TTC28: variants seen among roughly 807,000 people sequenced by gnomAD.
The protein encoded by TTC28 is tetratricopeptide repeat protein 28.
TTC28 carries 61 observed loss-of-function variants against 198.0 expected under a neutral mutation model. That is an observed-to-expected ratio of 0.31 (90% CI 0.25 to 0.38). The LOEUF (loss-of-function observed/expected upper bound fraction) is 0.38, where lower values mean the gene tolerates loss of function less well. Among genes scored for constraint, TTC28 ranks in the 10% least tolerant of loss-of-function variants. The pLI, the probability that TTC28 is intolerant of heterozygous loss-of-function variation, is 1.00. For synonymous variants in TTC28, 1,171 were observed against 1,297.8 expected (o/e 0.90, Z 2.10); for missense variants, 2,678 against 3,164.0 (o/e 0.85, Z 3.69).
intron 2 of TTC28, among the ~76,000 whole-genome samples, chr22:28,360,679 C>T (rs998116850): frequency 4.6e-5 from 7 of 152,102 alleles, no homozygotes; most frequent in Admixed American, 3.9e-4. Flanking sequence ...AATTGGAAAA[C>T]AAGGCCATGA....
chr22:28,208,148 T>C (rs959901052), intron 5 of TTC28, among the ~76,000 whole-genome samples: 2 of 152,154 alleles, frequency 1.3e-5, no homozygotes, highest in Admixed American at 6.5e-5. Flanking sequence ...GCTTGAATAC[T>C]TGCTGAATGA....
intron 2 of TTC28, among the ~76,000 whole-genome samples, chr22:28,526,072 G>GT (rs2048998541): frequency 6.6e-6 from 1 of 152,164 alleles, no homozygotes; most frequent in Admixed American, 6.5e-5. Context: ...TACCATGTCT[G>GT]TAAGTACGGG....
At chr22:28,063,745 G>A (rs1280264619) in intron 12 of TTC28, among the ~76,000 whole-genome samples, 1 of 152,104 alleles carries the variant, frequency 6.6e-6, no homozygotes, top group Non-Finnish European at 1.5e-5. Flanking sequence ...GCATAACACA[G>A]TCCAGGGCCT....
intron 2 of TTC28, among the ~76,000 whole-genome samples, chr22:28,330,205 C>G (rs936716508): frequency 2.6e-5 from 4 of 152,108 alleles, no homozygotes; most frequent in South Asian, 2.1e-4. Context: ...AAATTTTATT[C>G]AGGTATAATA....
intron 2 of TTC28, among the ~76,000 whole-genome samples, chr22:28,334,788 T>C (rs1002813166): frequency 6.6e-6 from 1 of 152,206 alleles, no homozygotes; most frequent in African/African-American, 2.4e-5. Context: ...TTTTCTCCCA[T>C]TCTGTAGGTT....
rs184092228 is a variant in TTC28 at position 28,612,966 on chromosome 22, A to G, written c.381+16586T>C. 5.9e-3 allele frequency among the ~76,000 whole-genome samples: 898 copies of G among 152,286 alleles called. 6 individuals carry two copies. The highest frequency in any genetic ancestry group is 9.8e-3 in the Non-Finnish European group (665 of 68,018). ...ACAAATTCAAAAACTAGCAGAAGAC[A>G]AGAAATAACTAAGATCAGAGCAGAA... On this transcript the variant is annotated intron_variant, in intron 2 of 22. Transcript: ENST00000397906.
chr22:28,176,200 G>C (rs550884298), intron 5 of TTC28, among the ~76,000 whole-genome samples: 1 of 152,130 alleles, frequency 6.6e-6, no homozygotes, highest in African/African-American at 2.4e-5. Flanking sequence ...AGAAAATGTG[G>C]TATACATATA....
chr22:28,662,029 C>T (rs907323189), intron 1 of TTC28, among the ~76,000 whole-genome samples: 6 of 152,174 alleles, frequency 3.9e-5, no homozygotes, highest in Admixed American at 2.0e-4. Flanking sequence ...AAGGAACAAC[C>T]ATGCCTGGCT....
At position 27,992,672 on chromosome 22, in the gene TTC28, A is replaced by C. The variant is rs1267023351; in HGVS notation, c.5477-9T>G. 1.3e-6 allele frequency: 2 copies of C among 1,551,154 alleles called. No individual in the cohort carries two copies. The highest frequency in any genetic ancestry group is 1.7e-6 in the Non-Finnish European group (2 of 1,146,892). On this transcript the variant is annotated splice_polypyrimidine_tract_variant and intron_variant, in intron 18 of 22. Coordinates refer to ENST00000397906, the MANE Select transcript of TTC28 (RefSeq NM_001145418.2). Reference sequence around the variant, plus strand: ...GGCAGGATTGGGCAGACCTAAACCAAGAAAAAAGGGTAGAAGTTATTCAGA... The same window carrying C: ...GGCAGGATTGGGCAGACCTAAACCACGAAAAAAGGGTAGAAGTTATTCAGA...
chr22:28,506,024 C>T (rs1037892152), intron 2 of TTC28, among the ~76,000 whole-genome samples: 2 of 149,132 alleles, frequency 1.3e-5, no homozygotes, highest in African/African-American at 2.5e-5. Context: ...GCTGCCTTGC[C>T]AGATCGTGGC....
intron 2 of TTC28, among the ~76,000 whole-genome samples, chr22:28,458,309 T>C (rs925177280): frequency 3.9e-5 from 6 of 152,194 alleles, no homozygotes; most frequent in Non-Finnish European, 5.9e-5. Flanking sequence ...AATAAATTCA[T>C]CCAAACAGAA....
chr22:28,524,333 G>A (rs376033702), intron 2 of TTC28, among the ~76,000 whole-genome samples: 5 of 151,818 alleles, frequency 3.3e-5, no homozygotes, highest in African/African-American at 9.7e-5. Flanking sequence ...GGTGGCGGGC[G>A]CCTGTAGTCC....
rs536037096 is a variant in TTC28, at chr22:28,039,233, C to T, written c.3933-8867G>A. ...GACACATGCACACGTATGTTTATTG[C>T]GGCACTACTCACAATAGCAAACACT... On this transcript the variant is annotated intron_variant, in intron 12 of 22. Coordinates refer to ENST00000397906, the MANE Select transcript of TTC28 (RefSeq NM_001145418.2). Among the ~76,000 whole-genome samples, 9 of 152,182 alleles carry T rather than the reference C, an allele frequency of 5.9e-5. 1 individual carries two copies. Among genetic ancestry groups the T allele is most frequent in the Admixed American group, 1.3e-4 (2 of 15,278 alleles).
intron 21 of TTC28, 57 bp downstream of exon 21, chr22:27,989,821 C>G (rs1369901224): frequency 1.3e-6 from 2 of 1,519,164 alleles, no homozygotes; most frequent in Non-Finnish European, 1.8e-6. Context: ...GGAGGAAAAA[C>G]AGAGATTTAA....
chr22:28,595,769 C>T (rs1209899435), intron 2 of TTC28, among the ~76,000 whole-genome samples: 3 of 152,098 alleles, frequency 2.0e-5, no homozygotes, highest in African/African-American at 7.2e-5. Context: ...ACTAAAAATA[C>T]AAAAATTATC....
At position 28,076,341 on chromosome 22, in the gene TTC28, T is replaced by C. The variant is rs569235661; in HGVS notation, c.3932+17739A>G. On this transcript the variant is annotated intron_variant, in intron 12 of 22. Transcript: ENST00000397906. ...CATGGGGACTGCTTTAAAGAACAGATAGAAATAATTTGAATCAGTCTATCA... is the reference window on the plus strand; with the variant it reads ...CATGGGGACTGCTTTAAAGAACAGACAGAAATAATTTGAATCAGTCTATCA... Among the ~76,000 whole-genome samples, 42 of 152,322 alleles carry C rather than the reference T, an allele frequency of 2.8e-4. No homozygotes were observed. In the East Asian group the frequency reaches 7.9e-3, roughly 29 times the overall value.
intron 12 of TTC28, among the ~76,000 whole-genome samples, chr22:28,042,620 T>C (rs1208950093): frequency 6.6e-6 from 1 of 151,382 alleles, no homozygotes; most frequent in African/African-American, 2.4e-5. Context: ...TTAGGAGAAA[T>C]ACCTAATGTA....
intron 5 of TTC28, among the ~76,000 whole-genome samples, chr22:28,214,705 ATT>A (rs983462366): frequency 2.6e-5 from 4 of 152,358 alleles, no homozygotes; most frequent in Middle Eastern, 3.4e-3. Flanking sequence ...TAGTTCAACC[ATT>A]TTGGAAGACA....
intron 1 of TTC28, among the ~76,000 whole-genome samples, chr22:28,653,620 A>C (rs1461645717): frequency 6.6e-6 from 1 of 151,994 alleles, no homozygotes; most frequent in Non-Finnish European, 1.5e-5. Flanking sequence ...AAACTTTCTT[A>C]TCTCTCATTT....
Sources: allele counts gnomAD v4.1 joint callset (sites outside exome capture counted in the v4.1 genomes callset), GRCh38; gene constraint gnomAD v4.1.1; transcripts MANE v1.5; gene names NCBI Gene and HGNC (gene_info 2026-07-23, HGNC 2026-07-21).